Variants in RARB observed in about 807,000 individuals in gnomAD.
The protein encoded by RARB is retinoic acid receptor beta.
A neutral mutation model predicts 51.9 loss-of-function variants in RARB; 17 were observed. The observed-to-expected ratio is 0.33, with a 90% CI of 0.22 to 0.49. The LOEUF (loss-of-function observed/expected upper bound fraction) is 0.49. RARB is among the 20% of genes least tolerant of loss of function. The probability of loss-of-function intolerance (pLI) is 0.99; values close to 1 mark genes in which losing one functional copy is unlikely to be tolerated. For missense variants in RARB, 369 were observed against 550.8 expected, an observed-to-expected ratio of 0.67 and a Z score of 3.30; for synonymous variants, 215 against 195.4, an observed-to-expected ratio of 1.10 and a Z score of -0.84.
intron 2 of RARB, among the ~76,000 whole-genome samples, chr3:24,992,768 A>T (rs1387395266): frequency 1.3e-5 from 2 of 152,042 alleles, no homozygotes; most frequent in African/African-American, 4.8e-5. Context: ...TCCATTAGCG[A>T]TCACCCATAT....
At chr3:25,570,313 A>T (rs1700660243) in intron 4 of RARB, among the ~76,000 whole-genome samples, 1 of 152,200 alleles carries the variant, frequency 6.6e-6, no homozygotes. Flanking sequence ...GTCATGACGG[A>T]CCTCTGTACG....
At chr3:24,938,729 C>T (rs1011301222) in intron 2 of RARB, among the ~76,000 whole-genome samples, 8 of 152,112 alleles carry the variant, frequency 5.3e-5, no homozygotes, top group African/African-American at 9.7e-5. Context: ...ACATTCTCCC[C>T]GCCCTCAGTC....
At chr3:24,978,497 C>T (rs946071298) in intron 2 of RARB, among the ~76,000 whole-genome samples, 3 of 152,070 alleles carry the variant, frequency 2.0e-5, no homozygotes, top group African/African-American at 7.2e-5. Context: ...GTTTATGTGT[C>T]CAGGAATTTA....
intron 3 of RARB, among the ~76,000 whole-genome samples, chr3:25,073,246 A>T (rs1036422097): frequency 3.9e-5 from 6 of 152,234 alleles, no homozygotes; most frequent in Admixed American, 3.9e-4. Flanking sequence ...TAACAAGACC[A>T]ATGCTGTGTG....
chr3:25,133,015 A>G (rs1433208178), intron 4 of RARB, among the ~76,000 whole-genome samples: 3 of 152,154 alleles, frequency 2.0e-5, no homozygotes, highest in Non-Finnish European at 1.5e-5. Flanking sequence ...TTATACATCA[A>G]TAAAAAGTTT....
chr3:25,386,103 G>A (rs1485419433), intron 5 of RARB, among the ~76,000 whole-genome samples: 1 of 152,150 alleles, frequency 6.6e-6, no homozygotes, highest in Non-Finnish European at 1.5e-5. Flanking sequence ...ACACGAACAG[G>A]CAATATAGTC....
chr3:25,105,142 C>T (rs1260305204), intron 3 of RARB, among the ~76,000 whole-genome samples: 1 of 152,054 alleles, frequency 6.6e-6, no homozygotes, highest in Non-Finnish European at 1.5e-5. Flanking sequence ...TTCATAATTA[C>T]ATTATTTTTA....
chr3:24,906,098 C>A (rs912370107), intron 2 of RARB, among the ~76,000 whole-genome samples: 9 of 152,236 alleles, frequency 5.9e-5, no homozygotes, highest in African/African-American at 1.7e-4. Context: ...GAATCAAAGT[C>A]GAGACAGCCA....
intron 3 of RARB, among the ~76,000 whole-genome samples, chr3:25,088,565 A>G (rs1438752222): frequency 6.6e-6 from 1 of 152,154 alleles, no homozygotes; most frequent in Non-Finnish European, 1.5e-5. Flanking sequence ...AATTTTCCAT[A>G]TACCCAATGG....
intron 5 of RARB, among the ~76,000 whole-genome samples, chr3:25,390,993 C>T (rs1289183496): frequency 1.3e-5 from 2 of 152,012 alleles, no homozygotes; most frequent in Non-Finnish European, 2.9e-5. Context: ...TTGGTGCACC[C>T]GTCACCCAAG....
rs529069746 is a variant in RARB, at chr3:25,447,536, T to A, written c.158-13657T>A. Among the ~76,000 whole-genome samples, 502 of 152,346 alleles carry A rather than the reference T, an allele frequency of 3.3e-3. 2 individuals carry two copies. The highest frequency in any genetic ancestry group is 0.011 in the African/African-American group (474 of 41,584). On this transcript the variant is annotated intron_variant, in intron 1 of 7. Transcript: ENST00000330688. ...GTCAGCAGTTGATGTTGCTGACTGA[T>A]AATCACTGCCTTCTGCTCCCCAAAC...
Position 25,169,345 on chromosome 3 carries a change from C to G in RARB, c.-279-4774C>G, listed in dbSNP as rs542484040. Among the ~76,000 whole-genome samples the G allele has an allele frequency of 1.8e-4, 27 of 152,316 alleles. No homozygotes were observed. The South Asian group carries it at 5.2e-3, about 29-fold the overall frequency. ...GGAAAGAAGCCAATCAGCCCTGGAG[C>G]AGGAGGAATGTCTCCAACTGTGGAA... On this transcript the variant is annotated intron_variant, in intron 4 of 11. Coordinates refer to the RARB transcript ENST00000383772.
At chr3:24,877,181 G>T (rs1308646796) in intron 2 of RARB, among the ~76,000 whole-genome samples, 1 of 151,874 alleles carries the variant, frequency 6.6e-6, no homozygotes, top group Non-Finnish European at 1.5e-5. Flanking sequence ...CAACTTAGCT[G>T]GGAACATTTC....
At chr3:24,985,749 T>C (rs1696776709) in intron 2 of RARB, among the ~76,000 whole-genome samples, 1 of 152,228 alleles carries the variant, frequency 6.6e-6, no homozygotes, top group Non-Finnish European at 1.5e-5. Flanking sequence ...ACAGTCCCAC[T>C]CTTTTGTACT....
At chr3:25,578,448 C>T (rs890886652) in intron 4 of RARB, among the ~76,000 whole-genome samples, 2 of 152,222 alleles carry the variant, frequency 1.3e-5, no homozygotes, top group Admixed American at 6.5e-5. Flanking sequence ...ATGAAGGTTT[C>T]GTTCACACTT....
intron 2 of RARB, among the ~76,000 whole-genome samples, chr3:25,461,996 T>C (rs575805769): frequency 7.9e-5 from 12 of 152,366 alleles, no homozygotes; most frequent in Admixed American, 5.9e-4. Context: ...AGTTTTATCT[T>C]ATTTTTGAAT....
chr3:25,353,173 T>A (rs1259322320), intron 5 of RARB, among the ~76,000 whole-genome samples: 4 of 152,284 alleles, frequency 2.6e-5, no homozygotes, highest in South Asian at 4.1e-4. Context: ...TCCTATAGTT[T>A]GGCTTTTAGT....
At chr3:24,881,629 G>C (rs1158942255) in intron 2 of RARB, among the ~76,000 whole-genome samples, 3 of 152,170 alleles carry the variant, frequency 2.0e-5, no homozygotes, top group East Asian at 1.9e-4. Context: ...TAGTGGCATT[G>C]ATCTTTTTAA....
intron 3 of RARB, among the ~76,000 whole-genome samples, chr3:25,070,877 A>T (rs1318875977): frequency 1.3e-5 from 2 of 152,260 alleles, no homozygotes; most frequent in Non-Finnish European, 2.9e-5. Flanking sequence ...TGGTGTCTCT[A>T]TTGCCTTGTT....
Sources: allele counts gnomAD v4.1 joint callset (sites outside exome capture counted in the v4.1 genomes callset), GRCh38; gene constraint gnomAD v4.1.1; transcripts MANE v1.5; gene names NCBI Gene and HGNC (gene_info 2026-07-23, HGNC 2026-07-21).